The following SCAP variants were observed in gnomAD, a reference collection of about 807,000 sequenced individuals.
The protein encoded by SCAP is SREBF chaperone.
SCAP carries 65 observed loss-of-function variants against 123.6 expected under a neutral mutation model. The ratio of observed to expected loss-of-function variants is 0.53; its 90% CI spans 0.43 to 0.65. The LOEUF is 0.65. Ranked by LOEUF, SCAP falls within the 30% of genes least tolerant of loss-of-function variation. The pLI, the probability that SCAP is intolerant of heterozygous loss-of-function variation, is 0.00. For missense variants in SCAP, 1,398 were observed against 1,712.5 expected, an observed-to-expected ratio of 0.82 and a Z score of 3.24; for synonymous variants, 740 against 726.3, an observed-to-expected ratio of 1.02 and a Z score of -0.30.
intron 3 of SCAP, among the ~76,000 whole-genome samples, chr3:47,432,477 C>G (rs1706404274): frequency 1.3e-5 from 2 of 151,958 alleles, no homozygotes; most frequent in South Asian, 4.1e-4. Flanking sequence ...TCTTTCCAAA[C>G]AGTATAGGAT....
intron 2 of SCAP, 95 bp downstream of exon 2, chr3:47,442,777 C>T: frequency 8.9e-7 from 1 of 1,118,712 alleles, no homozygotes; most frequent in Non-Finnish European, 1.3e-6. Context: ...GTGTAAAAAG[C>T]ATACAGAGGC....
At chr3:47,460,118 G>A (rs970847203) in intron 1 of SCAP, among the ~76,000 whole-genome samples, 1 of 152,126 alleles carries the variant, frequency 6.6e-6, no homozygotes, top group Non-Finnish European at 1.5e-5. Context: ...CAGACCTTAT[G>A]GTTGTCTTCC....
At position 47,455,759 on chromosome 3, in the gene SCAP, C is replaced by T. The variant is rs57304464; in HGVS notation, c.-98-12668G>A. Among the ~76,000 whole-genome samples the T allele has an allele frequency of 1.6e-3, 241 of 152,226 alleles. 1 individual carries two copies. Among genetic ancestry groups the T allele is most frequent in the African/African-American group, 5.6e-3 (231 of 41,552 alleles). On this transcript the variant is annotated intron_variant, in intron 1 of 22. Coordinates refer to ENST00000265565, the MANE Select transcript of SCAP (RefSeq NM_012235.4). ...TTCCTACATTCATCTAGAAATGTAA[C>T]AGTCCCAATAAAAACAGGACTTCTT...
chr3:47,427,040 G>A (rs1706163479), intron 6 of SCAP, 117 bp downstream of exon 6: 14 of 724,500 alleles, frequency 1.9e-5, no homozygotes, highest in African/African-American at 3.5e-5. Context: ...CAGGAGGCCT[G>A]GAAACTCTCC....
At chr3:47,461,771 C>G (rs1414748749) in intron 1 of SCAP, among the ~76,000 whole-genome samples, 8 of 152,204 alleles carry the variant, frequency 5.3e-5, no homozygotes, top group Non-Finnish European at 2.9e-5. Context: ...CGGTGGCTCA[C>G]TCTTATAATC....
At chr3:47,422,711 G>A in intron 9 of SCAP, 175 bp from the exon 10 acceptor site, 1 of 544,750 alleles carries the variant, frequency 1.8e-6, no homozygotes, top group Non-Finnish European at 3.3e-6. Context: ...CAGACTTTAA[G>A]GGGCCATCAC....
At chr3:47,433,702 A>C (rs1365223482) in intron 3 of SCAP, among the ~76,000 whole-genome samples, 1 of 152,104 alleles carries the variant, frequency 6.6e-6, no homozygotes, top group Admixed American at 6.6e-5. Flanking sequence ...CCCCACCCCT[A>C]CTAAAAATAC....
rs1707697064 is a variant in SCAP, at chr3:47,462,836, G to A, written c.-99+12963C>T. Reference sequence around the variant, plus strand: ...TTGTGAGTGACATCATGTCCCTACTGATGTCCTAGAAGGTTGTGCTTCTCA... The same window carrying A: ...TTGTGAGTGACATCATGTCCCTACTAATGTCCTAGAAGGTTGTGCTTCTCA... On this transcript the variant is annotated intron_variant, in intron 1 of 22. Coordinates refer to ENST00000265565, the MANE Select transcript of SCAP (RefSeq NM_012235.4). 4.6e-5 allele frequency among the ~76,000 whole-genome samples: 7 copies of A among 151,260 alleles called. No individual in the cohort carries two copies. The South Asian group carries it at 1.5e-3, about 32-fold the overall frequency.
chr3:47,421,966 A>G (rs1177186242), intron 10 of SCAP, among the ~76,000 whole-genome samples: 2 of 152,254 alleles, frequency 1.3e-5, no homozygotes, highest in Admixed American at 1.3e-4. Context: ...TGGCCCTCCC[A>G]CTGGTCAGGC....
Position 47,417,589 on chromosome 3 carries a change from G to C in SCAP, c.2685C>G (p.Pro895=), listed in dbSNP as rs1302231384. Residue 895 remains proline, a synonymous_variant, in exon 17 of 23, where the codon CCC becomes CCG. Coordinates refer to ENST00000265565, the MANE Select transcript of SCAP (RefSeq NM_012235.4). The stretch of plus-strand genomic sequence containing the variant: ...AGCGGCCACAGACCGCCCGGTGCCG[G>C]GGCTCGGGCTGAGTGGGCTGTGAGG... ...PRSSQPTQPE[P]RHRAVCGRSR... 1 of 1,596,738 alleles carries C rather than the reference G, an allele frequency of 6.3e-7. No homozygotes were observed. The highest frequency in any genetic ancestry group is 2.3e-5 in the East Asian group (1 of 44,168).
intron 1 of SCAP, among the ~76,000 whole-genome samples, chr3:47,449,242 T>G (rs532628359): frequency 1.6e-5 from 2 of 127,204 alleles, no homozygotes; most frequent in African/African-American, 2.7e-5. Context: ...ATATGCAACT[T>G]TATGAGTTCA....
chr3:47,413,851 C>A lies in SCAP; in HGVS notation c.*3G>T. 4 of 1,611,196 alleles carry A rather than the reference C, an allele frequency of 2.5e-6. No individual in the cohort carries two copies. The highest frequency in any genetic ancestry group is 3.4e-6 in the Non-Finnish European group (4 of 1,178,946). ...CTCCTGCCTGGGCAAGGAGGCCCTG[C>A]GCTCAGTCCAGCTTCTCCAGCACAG... On this transcript the variant is annotated 3_prime_UTR_variant, in exon 23 of 23. Coordinates refer to ENST00000265565, the MANE Select transcript of SCAP (RefSeq NM_012235.4).
intron 2 of SCAP, among the ~76,000 whole-genome samples, chr3:47,440,438 G>A (rs1369999068): frequency 6.6e-6 from 1 of 151,982 alleles, no homozygotes; most frequent in African/African-American, 2.4e-5. Context: ...GTCTTTGGAG[G>A]CTGAGAGACT....
intron 1 of SCAP, among the ~76,000 whole-genome samples, chr3:47,447,958 T>C (rs925313870): frequency 8.4e-6 from 1 of 118,504 alleles, no homozygotes; most frequent in South Asian, 2.6e-4. Context: ...TAAGCTGAGA[T>C]AGTGCCACTG....
chr3:47,471,888 C>A (rs1187117290), intron 1 of SCAP, among the ~76,000 whole-genome samples: 2 of 151,976 alleles, frequency 1.3e-5, no homozygotes, highest in Non-Finnish European at 2.9e-5. Flanking sequence ...TGCCTGTAAT[C>A]CCAGCACTTT....
chr3:47,466,150 A>G (rs537586102), intron 1 of SCAP, among the ~76,000 whole-genome samples: 18 of 151,658 alleles, frequency 1.2e-4, no homozygotes, highest in Non-Finnish European at 2.1e-4. Context: ...AAAAAAAAAA[A>G]AAAAAAAGAA....
intron 1 of SCAP, among the ~76,000 whole-genome samples, chr3:47,454,642 T>C (rs911040085): frequency 1.2e-4 from 18 of 151,778 alleles, no homozygotes; most frequent in Non-Finnish European, 2.4e-4. Flanking sequence ...GGCAGGAGAA[T>C]CGCTTGAACG....
At chr3:47,469,076 G>A (rs192296724) in intron 1 of SCAP, among the ~76,000 whole-genome samples, 3 of 152,344 alleles carry the variant, frequency 2.0e-5, no homozygotes, top group South Asian at 2.1e-4. Flanking sequence ...GGCCAGGCAC[G>A]TTGGCTCACA....
At chr3:47,441,931 C>T (rs1706824155) in intron 2 of SCAP, among the ~76,000 whole-genome samples, 1 of 122,436 alleles carries the variant, frequency 8.2e-6, no homozygotes, top group East Asian at 2.7e-4. Context: ...TGATCCTGAA[C>T]TCCTGGCCTC....
Sources: allele counts gnomAD v4.1 joint callset (sites outside exome capture counted in the v4.1 genomes callset), GRCh38; gene constraint gnomAD v4.1.1; transcripts MANE v1.5; gene names NCBI Gene and HGNC (gene_info 2026-07-23, HGNC 2026-07-21).